Variants in GJC1 observed in about 807,000 individuals in gnomAD.
The protein encoded by GJC1 is gap junction gamma-1 protein.
Under a neutral mutation model 29.3 loss-of-function variants are expected in GJC1, and 5 were observed. That is an observed-to-expected ratio of 0.17 (90% CI 0.09 to 0.36). GJC1 has a LOEUF of 0.36. GJC1 is among the 10% of genes least tolerant of loss of function. GJC1 has a pLI of 1.00. For missense variants in GJC1, 310 were observed against 496.2 expected (o/e 0.62, Z 3.56); for synonymous variants, 177 against 183.3 (o/e 0.97, Z 0.28).
intron 1 of GJC1, among the ~76,000 whole-genome samples, chr17:44,812,701 G>T (rs1306484149): frequency 6.6e-6 from 1 of 150,742 alleles, no homozygotes; most frequent in Non-Finnish European, 1.5e-5. Flanking sequence ...AGGCTGGAGT[G>T]CAGTGGCACA....
At chr17:44,798,040 C>T (rs573582498), downstream of GJC1, among the ~76,000 whole-genome samples, 324 of 152,274 alleles carry the variant, frequency 2.1e-3, 1 homozygote, top group Non-Finnish European at 2.9e-3. Context: ...GAAGGCACTC[C>T]AGGAAAGGCC....
chr17:44,812,046 G>A (rs1246123330), intron 1 of GJC1, among the ~76,000 whole-genome samples: 5 of 151,896 alleles, frequency 3.3e-5, no homozygotes, highest in Admixed American at 3.3e-4. Context: ...TGGGAGCAGT[G>A]GCTCATGCCT....
At chr17:44,811,409 G>C (rs2049980409) in intron 1 of GJC1, among the ~76,000 whole-genome samples, 1 of 135,764 alleles carries the variant, frequency 7.4e-6, no homozygotes, top group Non-Finnish European at 1.6e-5. Context: ...TTTTTTTTGA[G>C]ACAAAGTCTC....
At chr17:44,808,344 C>A (rs2049934570) in intron 1 of GJC1, among the ~76,000 whole-genome samples, 1 of 151,786 alleles carries the variant, frequency 6.6e-6, no homozygotes, top group South Asian at 2.1e-4. Flanking sequence ...CCTATCTTTC[C>A]AAATTTTAAA....
Position 44,805,792 on chromosome 17 carries a change from A to T in GJC1, c.26T>A (p.Leu9Gln), listed in dbSNP as rs770589899. 1 of 1,611,384 alleles carries T rather than the reference A, an allele frequency of 6.2e-7. No homozygotes were observed. Among genetic ancestry groups the T allele is most frequent in the African/African-American group, 1.3e-5 (1 of 75,044 alleles). The stretch of plus-strand genomic sequence containing the variant: ...GGAATGGTTGTGAATCTCCTCTAGC[A>T]GGCGAGTCAGGAAGCTCCAACTCAT... The part of the protein sequence containing the change: MSWSFLTR[L>Q]LEEIHNHSTF... The change falls in exon 3 of 3, where the codon CTG (leucine) becomes CAG (glutamine). Residue 9 changes from leucine (L) to glutamine (Q), a missense_variant. This residue lies in a region of GJC1 where 37 missense variants were observed against 104.2 expected (regional missense o/e 0.35). Transcript: ENST00000592524. The surrounding 1 kb of genome is among the most constrained non-coding windows in gnomAD (Gnocchi z 5.1).
intron 1 of GJC1, among the ~76,000 whole-genome samples, chr17:44,813,957 A>C (rs772075855): frequency 1.1e-4 from 16 of 152,114 alleles, no homozygotes; most frequent in Non-Finnish European, 1.6e-4. Flanking sequence ...AGCATTAAGG[A>C]TTGGCTTACA....
intron 1 of GJC1, among the ~76,000 whole-genome samples, chr17:44,818,841 C>T (rs569646031): frequency 4.6e-5 from 7 of 151,960 alleles, no homozygotes; most frequent in Non-Finnish European, 8.8e-5. Flanking sequence ...GGCGTGGTGG[C>T]TGACTCCTGT....
intron 1 of GJC1, among the ~76,000 whole-genome samples, chr17:44,829,029 C>G (rs2050203171): frequency 6.6e-6 from 1 of 150,546 alleles, no homozygotes; most frequent in Admixed American, 6.7e-5. Context: ...AAACATATAA[C>G]AAATTTAGAC....
chr17:44,829,226 C>A (rs1348959587), intron 1 of GJC1, among the ~76,000 whole-genome samples: 2 of 151,982 alleles, frequency 1.3e-5, no homozygotes, highest in African/African-American at 4.8e-5. Context: ...CCCAATCAGA[C>A]AATCGCAAAA....
intron 1 of GJC1, among the ~76,000 whole-genome samples, chr17:44,820,511 G>A (rs567152885): frequency 2.0e-5 from 3 of 152,166 alleles, no homozygotes; most frequent in Non-Finnish European, 4.4e-5. Context: ...AAAGTCTAGG[G>A]ATAGGAGAAA....
intron 1 of GJC1, among the ~76,000 whole-genome samples, chr17:44,826,428 G>A (rs981369242): frequency 7.2e-5 from 11 of 152,030 alleles, no homozygotes; most frequent in Non-Finnish European, 1.3e-4. Context: ...TACACAGGAG[G>A]CTGAGGCAGG....
chr17:44,812,261 G>A (rs918129972), intron 1 of GJC1, among the ~76,000 whole-genome samples: 25 of 152,204 alleles, frequency 1.6e-4, no homozygotes, highest in Admixed American at 6.5e-4. Flanking sequence ...GGAGGCAGAG[G>A]CTGCAGTGAG....
chr17:44,822,597 C>T (rs1234634544), intron 1 of GJC1, among the ~76,000 whole-genome samples: 1 of 132,302 alleles, frequency 7.6e-6, no homozygotes, highest in Non-Finnish European at 1.5e-5. Flanking sequence ...GAACCAAGAT[C>T]ATGCCATTGC....
chr17:44,796,820 C>CAT (rs1433847712), downstream of GJC1, among the ~76,000 whole-genome samples: 4 of 151,504 alleles, frequency 2.6e-5, no homozygotes, highest in Non-Finnish European at 4.4e-5. Flanking sequence ...CACACACACA[C>CAT]ACATACACAC....
chr17:44,806,426 G>T (rs767032407), intron 2 of GJC1, among the ~76,000 whole-genome samples: 49 of 130,380 alleles, frequency 3.8e-4, no homozygotes, highest in Non-Finnish European at 4.7e-4. Flanking sequence ...TTTTGAGACA[G>T]TTTCCCTCTT....
At chr17:44,830,699 T>A, upstream of GJC1, 2 of 398,718 alleles carry the variant, frequency 5.0e-6, no homozygotes, top group Non-Finnish European at 8.8e-6. This position sits in a 1 kb window ranked among gnomAD's most constrained non-coding sequence, Gnocchi z 4.3. Flanking sequence ...CGCCGAGGCC[T>A]TGGTCCATTG....
At chr17:44,820,978 T>C (rs1379365928) in intron 1 of GJC1, among the ~76,000 whole-genome samples, 1 of 152,228 alleles carries the variant, frequency 6.6e-6, no homozygotes, top group East Asian at 1.9e-4. Flanking sequence ...CTATGAATAT[T>C]TGAAAAACCT....
intron 1 of GJC1, among the ~76,000 whole-genome samples, chr17:44,825,056 T>G (rs1174137738): frequency 2.7e-5 from 4 of 150,254 alleles, no homozygotes; most frequent in Admixed American, 6.6e-5. Flanking sequence ...CAAAAAAAAT[T>G]TTAAAATTAA....
chr17:44,820,969 TATGA>T lies in GJC1; in HGVS notation c.-97+9089_-97+9092del, dbSNP rs1478317717. On this transcript the variant is annotated intron_variant, in intron 1 of 2. Coordinates refer to ENST00000592524, the MANE Select transcript of GJC1 (RefSeq NM_005497.4). ...ACTTGTTTTCAAAAGAGCTCTTGGC[TATGA>T]ATATTTGAAAAACCTAAAATATAAT... is the stretch of plus-strand genomic sequence containing the variant. Among the ~76,000 whole-genome samples, 7 of 152,358 alleles carry T rather than the reference TATGA, an allele frequency of 4.6e-5. No homozygotes were observed. The East Asian group carries it at 7.7e-4, about 17-fold the overall frequency.
Sources: gnomAD v4.1 joint callset for allele counts (sites outside exome capture counted in the v4.1 genomes callset) on GRCh38, gnomAD v4.1.1 for gene constraint, gnomAD v4.1.1 regional missense constraint, Gnocchi (gnomAD v3.1) non-coding constraint, MANE v1.5 for transcripts, NCBI Gene and HGNC (gene_info 2026-07-23, HGNC 2026-07-21) for gene names.